Variants in ITIH4 observed in about 807,000 individuals in gnomAD.
The protein encoded by ITIH4 is inter-alpha-trypsin inhibitor heavy chain H4.
A neutral mutation model predicts 111.8 loss-of-function variants in ITIH4; 79 were observed. The ratio of observed to expected loss-of-function variants is 0.71; its 90% CI spans 0.59 to 0.85. The LOEUF (loss-of-function observed/expected upper bound fraction) is 0.85. Among genes scored for constraint, ITIH4 ranks in the 40% least tolerant of loss-of-function variants. The pLI is 0.00. For synonymous variants in ITIH4, 472 were observed against 468.3 expected, an observed-to-expected ratio of 1.01 and a Z score of -0.10; for missense variants, 1,065 against 1,195.8, an observed-to-expected ratio of 0.89 and a Z score of 1.61.
intron 21 of ITIH4, among the ~76,000 whole-genome samples, chr3:52,815,510 G>A (rs1009442988): frequency 1.3e-5 from 2 of 151,938 alleles, no homozygotes; most frequent in Non-Finnish European, 2.9e-5. Context: ...CCAAAGTGCT[G>A]GGATTACAGG....
Position 52,820,805 on chromosome 3 carries a change from G to A in ITIH4, c.1680-20C>T, listed in dbSNP as rs1389718780. ...GAGACACTGTAGGTGGAGCACATCA[G>A]AGCTCAGGAGATCCTTGAATTCGGG... On this transcript the variant is annotated intron_variant, in intron 12 of 23. Transcript: ENST00000266041. 6.3e-7 allele frequency: 1 copy of A among 1,589,508 alleles called. No homozygotes were observed. The highest frequency in any genetic ancestry group is 8.6e-7 in the Non-Finnish European group (1 of 1,165,406).
intron 11 of ITIH4, 51 bp downstream of exon 11, chr3:52,823,505 G>A: frequency 1.4e-6 from 2 of 1,471,974 alleles, no homozygotes; most frequent in Non-Finnish European, 1.8e-6. Context: ...CCCTCTGGCT[G>A]CAGAGGTGGA....
Position 52,814,370 on chromosome 3 carries a change from A to G in ITIH4, c.2472-7T>C, listed in dbSNP as rs1559477175. 1.2e-6 allele frequency: 2 copies of G among 1,613,684 alleles called. No homozygotes were observed. Among genetic ancestry groups the G allele is most frequent in the Admixed American group, 1.7e-5 (1 of 60,026 alleles). On this transcript the variant is annotated splice_region_variant and splice_polypyrimidine_tract_variant and intron_variant, in intron 21 of 23. Transcript: ENST00000266041. ...GTCCATGGTCATCTTCAGGCTGTGG[A>G]AAGACCCAGTGTCTTGAGCAGGAAG...
chr3:52,830,633 G>A lies in ITIH4; in HGVS notation c.10C>T (p.Pro4Ser), dbSNP rs760965783. 1 of 1,607,786 alleles carries A rather than the reference G, an allele frequency of 6.2e-7. No individual in the cohort carries two copies. The highest frequency in any genetic ancestry group is 1.7e-5 in the Admixed American group (1 of 59,750). ...TTGCTGCAGGTACGGACAGGCCTTG[G>A]GGGCTTCATCGTGGCTCCAGTGTCT... Reference protein sequence around the residue: MKPPRPVRTCSKVL... With the variant: MKPSRPVRTCSKVL... Residue 4 changes from proline to serine, a missense_variant, in exon 1 of 24, where the codon CCA (proline) becomes TCA (serine). By Grantham distance (74) the Pro-to-Ser change is moderately conservative (BLOSUM62 -1). Coordinates refer to ENST00000266041, the MANE Select transcript of ITIH4 (RefSeq NM_002218.5).
chr3:52,822,981 T>C (rs1224299877), intron 11 of ITIH4, among the ~76,000 whole-genome samples: 2 of 152,174 alleles, frequency 1.3e-5, no homozygotes, highest in Non-Finnish European at 2.9e-5. Flanking sequence ...TGTGGTGATA[T>C]GTCCTTGGGT....
At chr3:52,817,181 A>C in intron 20 of ITIH4, 123 bp from the exon 21 acceptor site, 1 of 739,604 alleles carries the variant, frequency 1.4e-6, no homozygotes, top group Non-Finnish European at 2.2e-6. Context: ...CCTCATCAGG[A>C]GGGGTGCCCC....
Position 52,813,463 on chromosome 3 carries a change from C to T in ITIH4, c.2751G>A (p.Gly917=), listed in dbSNP as rs751603357. 16 of 1,614,056 alleles carry T rather than the reference C, an allele frequency of 9.9e-6. No individual in the cohort carries two copies. Among genetic ancestry groups the T allele is most frequent in the Non-Finnish European group, 1.4e-5 (16 of 1,179,950 alleles). The change falls in exon 24 of 24, where the codon GGG becomes GGA. Residue 917 remains glycine (G), a synonymous_variant. Coordinates refer to ENST00000266041, the MANE Select transcript of ITIH4 (RefSeq NM_002218.5). Reference sequence around the variant, plus strand: ...AGCAGGAAATCTCCACTCCCGGGGGCCCCTCCTGGTAATCCAGCCTGCGCT... The same window carrying T: ...AGCAGGAAATCTCCACTCCCGGGGGTCCCTCCTGGTAATCCAGCCTGCGCT... ...TRERRLDYQE[G]PPGVEISCWS... is the part of the protein sequence containing the mutation.
At position 52,823,624 on chromosome 3, in the gene ITIH4, T is replaced by G. The variant is rs1340300290; in HGVS notation, c.1471A>C (p.Met491Leu). ...NFRLLFKGSE[M>L]VVAGKLQDRG... ...TCCTGGAGCTTCCCAGCCACCACCA[T>G]CTCTGAGCCCTTGAAGAGGAGCCGG... Residue 491 changes from methionine to leucine, a missense_variant, in exon 11 of 24, where the codon ATG becomes CTG. Transcript: ENST00000266041. 2.5e-6 allele frequency: 4 copies of G among 1,613,962 alleles called. No individual in the cohort carries two copies. Among genetic ancestry groups the G allele is most frequent in the Non-Finnish European group, 2.5e-6 (3 of 1,180,022 alleles).
At chr3:52,830,238 G>A (rs1352832804) in intron 1 of ITIH4, 4 of 417,748 alleles carry the variant, frequency 9.6e-6, no homozygotes, top group Admixed American at 3.0e-5. Flanking sequence ...CTGTTTTACA[G>A]ATGAGGAAAT....
intron 16 of ITIH4, 58 bp downstream of exon 16, chr3:52,819,695 TC>T (rs1327689231): frequency 8.2e-6 from 13 of 1,591,820 alleles, no homozygotes; most frequent in Middle Eastern, 1.9e-4. Context: ...ATAATGGACC[TC>T]CCTCAAGCTC....
chr3:52,827,155 C>T lies in ITIH4; in HGVS notation c.294G>A (p.Lys98=), dbSNP rs1162882979. 5 of 1,614,056 alleles carry T rather than the reference C, an allele frequency of 3.1e-6. No individual in the cohort carries two copies. In the African/African-American group the frequency reaches 4.0e-5, roughly 13 times the overall value. ...CGCTGTACTGTGCCTGGGCTTCAGCCTTCTCCTTGATGATCCCTGGGTAGG... is the reference window on the plus strand; with the variant it reads ...CGCTGTACTGTGCCTGGGCTTCAGCTTTCTCCTTGATGATCCCTGGGTAGG... ...GMTYPGIIKE[K]AEAQAQYSAA... The change falls in exon 3 of 24, where the codon AAG becomes AAA. Residue 98 remains lysine (K), a synonymous_variant. Transcript: ENST00000266041.
In ITIH4 at chr3:52,826,617, C is replaced by G; in HGVS notation, c.554G>C (p.Ser185Thr). The change falls in exon 5 of 24, where the codon AGC becomes ACC. Residue 185 changes from serine to threonine, a missense_variant. By Grantham distance (58) the Ser-to-Thr change is moderately conservative (BLOSUM62 1). Transcript: ENST00000266041. ...DIHIFEPQGISFLETESTFMT... is the reference protein window; with the variant it reads ...DIHIFEPQGITFLETESTFMT... Reference sequence around the variant, plus strand: ...GAAGGTGCTCTCTGTCTCCAGAAAGCTGATGCCCTGGGGCTCGAAGATGTG... The same window carrying G: ...GAAGGTGCTCTCTGTCTCCAGAAAGGTGATGCCCTGGGGCTCGAAGATGTG... 6.2e-7 allele frequency: 1 copy of G among 1,614,092 alleles called. No homozygotes were observed. The highest frequency in any genetic ancestry group is 8.5e-7 in the Non-Finnish European group (1 of 1,180,016).
chr3:52,823,113 T>C (rs1425802353), intron 11 of ITIH4, among the ~76,000 whole-genome samples: 3 of 152,162 alleles, frequency 2.0e-5, no homozygotes, highest in Non-Finnish European at 4.4e-5. Flanking sequence ...AGGGGGTCCC[T>C]GGAAGGAGGC....
intron 17 of ITIH4, 47 bp downstream of exon 17, chr3:52,819,346 A>G: frequency 1.2e-6 from 2 of 1,611,474 alleles, no homozygotes; most frequent in South Asian, 2.2e-5. Context: ...AGGCTCAAGG[A>G]CCACCGTGGG....
At chr3:52,826,715 AG>A in intron 4 of ITIH4, 64 bp from the exon 5 acceptor site, 1 of 1,611,322 alleles carries the variant, frequency 6.2e-7, no homozygotes, top group East Asian at 2.2e-5. Flanking sequence ...CAGGAGGCTC[AG>A]GGACAAAGAG....
In ITIH4 at chr3:52,824,353, G is replaced by A; in HGVS notation, c.1046-38C>T. ...CACTCTCAAGGTGGTCCCCAGCCAG[G>A]AGCCCTGGAAGCCCCCACCCTGCAG... On this transcript the variant is annotated intron_variant, in intron 8 of 23. Transcript: ENST00000266041. The surrounding 1 kb of genome is among the most constrained non-coding windows in gnomAD (Gnocchi z 4.3). The A allele has an allele frequency of 6.2e-7, 1 of 1,611,932 alleles. No homozygotes were observed. Among genetic ancestry groups the A allele is most frequent in the Non-Finnish European group, 8.5e-7 (1 of 1,178,316 alleles).
At position 52,817,243 on chromosome 3, in the gene ITIH4, G is replaced by A. The variant is rs1700294601; in HGVS notation, c.2297-185C>T. ...GCTGGCTCCCACAATCTCTCCACTT[G>A]TCCCTTGGTGTCTAAGGCTTTGGAG... On this transcript the variant is annotated intron_variant, in intron 20 of 23. Coordinates refer to ENST00000266041, the MANE Select transcript of ITIH4 (RefSeq NM_002218.5). Among the ~76,000 whole-genome samples the A allele has an allele frequency of 2.0e-5, 3 of 152,196 alleles. No homozygotes were observed. In the South Asian group the frequency reaches 6.2e-4, roughly 32 times the overall value.
In ITIH4 at chr3:52,824,812, C is replaced by G; in HGVS notation, c.876+30G>C. On this transcript the variant is annotated intron_variant, in intron 7 of 23. Coordinates refer to ENST00000266041, the MANE Select transcript of ITIH4 (RefSeq NM_002218.5). This position sits in a 1 kb window ranked among gnomAD's most constrained non-coding sequence, Gnocchi z 4.3. ...ATAGCGTGAAGGGCCTGGGAGTTTT[C>G]AGGGCCCTGCCCTGGGCCACAGGAC... 1 of 1,554,194 alleles carries G rather than the reference C, an allele frequency of 6.4e-7. No homozygotes were observed.
Position 52,813,201 on chromosome 3 carries a change from C to T in ITIH4, c.*220G>A, listed in dbSNP as rs1023541107. The T allele has an allele frequency of 1.8e-6, 1 of 554,268 alleles. No homozygotes were observed. The highest frequency in any genetic ancestry group is 1.9e-5 in the African/African-American group (1 of 52,540). 34.3% of individuals were successfully genotyped at this position (554,268 alleles called of 1,614,324 possible). ...GGCTCTTGAGAGCTGACAGTGGAAG[C>T]TTCTGTGTTCCACGATGCTAAGGTT... On this transcript the variant is annotated 3_prime_UTR_variant, in exon 24 of 24. Coordinates refer to ENST00000266041, the MANE Select transcript of ITIH4 (RefSeq NM_002218.5).
Sources: gnomAD v4.1 joint callset for allele counts (sites outside exome capture counted in the v4.1 genomes callset) on GRCh38, gnomAD v4.1.1 for gene constraint, Gnocchi (gnomAD v3.1) non-coding constraint, MANE v1.5 for transcripts, NCBI Gene and HGNC (gene_info 2026-07-23, HGNC 2026-07-21) for gene names.